The following PDE4D variants were observed in gnomAD, a reference collection of about 807,000 sequenced individuals.
The protein encoded by PDE4D is phosphodiesterase 4D.
PDE4D carries 24 observed loss-of-function variants against 87.4 expected under a neutral mutation model. That is an observed-to-expected ratio of 0.27 (90% confidence interval 0.20 to 0.39). The LOEUF (loss-of-function observed/expected upper bound fraction) is 0.39. PDE4D is among the 10% of genes least tolerant of loss of function. The pLI is 1.00. For synonymous variants in PDE4D, 384 were observed against 383.2 expected (o/e 1.00, Z -0.02); for missense variants, 714 against 1,041.0 (o/e 0.69, Z 4.32).
At chr5:59,898,461 C>T (rs1446448374), upstream of PDE4D, among the ~76,000 whole-genome samples, 2 of 152,150 alleles carry the variant, frequency 1.3e-5, no homozygotes, top group Non-Finnish European at 2.9e-5. Context: ...GCTGGAAGAA[C>T]ATTCAACCCT....
intron 2 of PDE4D, among the ~76,000 whole-genome samples, chr5:59,199,965 G>T (rs1384787310): frequency 2.0e-5 from 3 of 150,104 alleles, no homozygotes; most frequent in Admixed American, 1.3e-4. Context: ...TATACATACA[G>T]GCACATACAT....
chr5:60,326,978 C>T (rs1196450381), intron 1 of PDE4D, among the ~76,000 whole-genome samples: 1 of 152,098 alleles, frequency 6.6e-6, no homozygotes, highest in Non-Finnish European at 1.5e-5. Flanking sequence ...CTTCCTAACT[C>T]CCTAAGAAGT....
intron 1 of PDE4D, among the ~76,000 whole-genome samples, chr5:60,229,408 G>A (rs1471287011): frequency 1.3e-5 from 2 of 152,126 alleles, no homozygotes; most frequent in East Asian, 3.9e-4. Context: ...CAGTCACAAT[G>A]TTTTATCCTG....
chr5:59,242,357 TA>T (rs1413632323), intron 1 of PDE4D, among the ~76,000 whole-genome samples: 4 of 152,156 alleles, frequency 2.6e-5, no homozygotes, highest in Non-Finnish European at 5.9e-5. Flanking sequence ...GGAGAATCAC[TA>T]TTCTATTTTT....
At position 59,722,277 on chromosome 5, in the gene PDE4D, A is replaced by G. The variant is rs572324835; in HGVS notation, c.455+170891T>C. On this transcript the variant is annotated intron_variant, in intron 1 of 14. Transcript: ENST00000340635. ...ACATAAATAAGATGCTTTTGATCAT[A>G]TTAATGAGTGAGAAATGTGCAAGTC... 7.2e-5 allele frequency among the ~76,000 whole-genome samples: 11 copies of G among 152,350 alleles called. No individual in the cohort carries two copies. The East Asian group carries it at 2.1e-3, about 29-fold the overall frequency.
At chr5:59,839,965 C>G (rs1742721731) in intron 1 of PDE4D, among the ~76,000 whole-genome samples, 1 of 152,016 alleles carries the variant, frequency 6.6e-6, no homozygotes, top group Non-Finnish European at 1.5e-5. Flanking sequence ...ATTTAGAATA[C>G]AATCTGAGTT....
intron 6 of PDE4D, among the ~76,000 whole-genome samples, chr5:59,004,526 T>C (rs9292188): frequency 3.0e-4 from 46 of 152,204 alleles, no homozygotes; most frequent in African/African-American, 1.1e-3. Context: ...TTTTTCCTGA[T>C]ATGATGAATG....
chr5:60,154,214 A>G (rs1198492693), intron 2 of PDE4D, among the ~76,000 whole-genome samples: 1 of 152,222 alleles, frequency 6.6e-6, no homozygotes, highest in Non-Finnish European at 1.5e-5. Context: ...ATTTATATGT[A>G]TCACATGGTA....
intron 1 of PDE4D, among the ~76,000 whole-genome samples, chr5:59,718,469 A>G (rs1165670847): frequency 1.3e-5 from 2 of 152,190 alleles, no homozygotes; most frequent in Admixed American, 1.3e-4. Context: ...TGCTTAAGTA[A>G]GGATTACAAC....
intron 2 of PDE4D, among the ~76,000 whole-genome samples, chr5:60,042,216 CA>C (rs1768601663): frequency 6.6e-6 from 1 of 152,174 alleles, no homozygotes; most frequent in African/African-American, 2.4e-5. Context: ...CTCAGCTCCA[CA>C]AAGCCACTGT....
intron 1 of PDE4D, among the ~76,000 whole-genome samples, chr5:59,333,386 TTTCACTTAAAGTTGTGACAACC>T (rs1330771291): frequency 1.3e-5 from 2 of 152,126 alleles, no homozygotes; most frequent in African/African-American, 4.8e-5. Context: ...AGGGGAGACT[TTTCACTTAAAGTTGTGACAACC>T]TTCACTTAAA....
At chr5:60,049,802 G>T (rs1419684543) in intron 2 of PDE4D, among the ~76,000 whole-genome samples, 1 of 152,216 alleles carries the variant, frequency 6.6e-6, no homozygotes, top group Non-Finnish European at 1.5e-5. Flanking sequence ...GTCTGCAGAG[G>T]TCACTGCTGT....
Position 59,454,003 on chromosome 5 carries a change from T to C in PDE4D, c.456-238035A>G, listed in dbSNP as rs192079435. On this transcript the variant is annotated intron_variant, in intron 1 of 14. Coordinates refer to ENST00000340635, the MANE Select transcript of PDE4D (RefSeq NM_001104631.2). Reference sequence around the variant, plus strand: ...GGCTTTAAGTTGAAGCCAATGTTCATTTACCAGTCTAATAATCCTGGGGCC... The same window carrying C: ...GGCTTTAAGTTGAAGCCAATGTTCACTTACCAGTCTAATAATCCTGGGGCC... Among the ~76,000 whole-genome samples, 4 of 152,318 alleles carry C rather than the reference T, an allele frequency of 2.6e-5. No homozygotes were observed. The East Asian group carries it at 5.8e-4, about 22-fold the overall frequency.
At chr5:60,312,322 A>G (rs1014173896) in intron 1 of PDE4D, among the ~76,000 whole-genome samples, 2 of 152,202 alleles carry the variant, frequency 1.3e-5, no homozygotes, top group African/African-American at 4.8e-5. Flanking sequence ...AGCAAGTTCA[A>G]AAAAACGGAA....
intron 2 of PDE4D, among the ~76,000 whole-genome samples, chr5:60,072,582 G>C (rs1772843185): frequency 6.6e-6 from 1 of 151,938 alleles, no homozygotes; most frequent in African/African-American, 2.4e-5. Context: ...ATCTTTGCCA[G>C]TTCCTATGTC....
intron 5 of PDE4D, among the ~76,000 whole-genome samples, chr5:59,042,694 C>T (rs552757408): frequency 6.6e-6 from 1 of 152,246 alleles, no homozygotes; most frequent in South Asian, 2.1e-4. Flanking sequence ...CTTGAAGGCC[C>T]CTGCTACAAC....
rs141237414 is a variant in PDE4D, at chr5:60,195,070, C to G, written c.-89-9383G>C. 2.3e-3 allele frequency among the ~76,000 whole-genome samples: 350 copies of G among 151,676 alleles called. 4 individuals are homozygous for G. The highest frequency in any genetic ancestry group is 7.5e-3 in the African/African-American group (313 of 41,460). On this transcript the variant is annotated intron_variant, in intron 1 of 16. Coordinates refer to the PDE4D transcript ENST00000502484. The stretch of plus-strand genomic sequence containing the variant: ...CCCTGTCCTCTGTCTTGGACTTTTT[C>G]CCCTCTTCCTTTACCCCATAGCCAT...
chr5:60,024,300 T>G (rs2152854852), intron 2 of PDE4D, among the ~76,000 whole-genome samples: 1 of 152,346 alleles, frequency 6.6e-6, no homozygotes, highest in African/African-American at 2.4e-5. Context: ...ACCACAAATG[T>G]ACTTAAACAA....
At chr5:60,391,331 A>G (rs1172987742) in intron 1 of PDE4D, among the ~76,000 whole-genome samples, 1 of 152,196 alleles carries the variant, frequency 6.6e-6, no homozygotes, top group Non-Finnish European at 1.5e-5. Flanking sequence ...CACCCCGCAG[A>G]TTAGTTTCCT....
Sources: allele counts gnomAD v4.1 joint callset (sites outside exome capture counted in the v4.1 genomes callset), GRCh38; gene constraint gnomAD v4.1.1; transcripts MANE v1.5; gene names NCBI Gene and HGNC (gene_info 2026-07-23, HGNC 2026-07-21).